Variants in DPP6 observed in about 807,000 individuals in gnomAD.
DPP6 encodes dipeptidyl peptidase like 6, also known as A-type potassium channel modulatory protein DPP6.
In DPP6, 69 loss-of-function variants were observed where a neutral mutation model predicts 122.6. The observed-to-expected ratio is 0.56, with a 90% CI of 0.46 to 0.69. The LOEUF (loss-of-function observed/expected upper bound fraction) is 0.69. Among genes scored for constraint, DPP6 ranks in the 30% least tolerant of loss-of-function variants. The probability of loss-of-function intolerance (pLI) is 0.00; values close to 1 mark genes in which losing one functional copy is unlikely to be tolerated. For synonymous variants in DPP6, 418 were observed against 433.1 expected (o/e 0.97, Z 0.43); for missense variants, 928 against 1,116.9 (o/e 0.83, Z 2.41).
At chr7:153,887,719 G>A in exon 1 of DPP6, 2 of 1,613,872 alleles carry the variant, frequency 1.2e-6, no homozygotes, top group Non-Finnish European at 8.5e-7. Flanking sequence ...CCGCTAAGAT[G>A]CAGGGGAACG....
rs773227930 is a variant in DPP6 at position 154,298,268 on chromosome 7, C to CCACACACACA, written c.244-147943_244-147934dup. On this transcript the variant is annotated intron_variant, in intron 1 of 25. Coordinates refer to ENST00000377770, the MANE Select transcript of DPP6 (RefSeq NM_130797.4). The stretch of plus-strand genomic sequence containing the variant: ...TCCTTAAAAATCTGTCTCTCTCTCT[C>CCACACACACA]CACACACACACATACACACACTATT... Among the ~76,000 whole-genome samples the CCACACACACA allele has an allele frequency of 5.0e-3, 759 of 150,448 alleles. 8 individuals carry two copies. The highest frequency in any genetic ancestry group is 0.045 in the East Asian group (228 of 5,100).
intron 3 of DPP6, among the ~76,000 whole-genome samples, chr7:154,536,644 C>T (rs182223844): frequency 4.3e-4 from 66 of 152,174 alleles, no homozygotes; most frequent in Admixed American, 2.4e-3. Flanking sequence ...CCAAACCCTT[C>T]GTGAAGGAAA....
At chr7:153,901,134 T>C (rs897129415) in intron 1 of DPP6, among the ~76,000 whole-genome samples, 1 of 152,172 alleles carries the variant, frequency 6.6e-6, no homozygotes, top group African/African-American at 2.4e-5. Flanking sequence ...TTCTTCTATA[T>C]ATATATAAAG....
At chr7:154,354,356 A>G (rs1811107613) in intron 1 of DPP6, among the ~76,000 whole-genome samples, 2 of 152,218 alleles carry the variant, frequency 1.3e-5, no homozygotes, top group African/African-American at 2.4e-5. Context: ...ATTTAATACA[A>G]TGGCCGTATA....
chr7:153,884,209 G>C (rs1798833180), upstream of DPP6, among the ~76,000 whole-genome samples: 1 of 152,060 alleles, frequency 6.6e-6, no homozygotes, highest in African/African-American at 2.4e-5. Flanking sequence ...CCCTTCCTGT[G>C]ACCAAGTGTT....
chr7:154,512,925 C>T (rs892195910), intron 3 of DPP6, among the ~76,000 whole-genome samples: 3 of 152,136 alleles, frequency 2.0e-5, no homozygotes, highest in African/African-American at 4.8e-5. Flanking sequence ...TAGACGATGG[C>T]TTTCTTACCT....
intron 5 of DPP6, among the ~76,000 whole-genome samples, chr7:154,632,382 A>T (rs1835459225): frequency 6.6e-6 from 1 of 152,180 alleles, no homozygotes; most frequent in Non-Finnish European, 1.5e-5. Flanking sequence ...TTTGAGAAAG[A>T]CTTAGAAAGT....
intron 5 of DPP6, among the ~76,000 whole-genome samples, chr7:154,617,493 T>C (rs116428495): frequency 0.019 from 2,827 of 152,268 alleles, 82 homozygotes; most frequent in African/African-American, 0.064. Flanking sequence ...TCAAGGGTCA[T>C]CTAATGAGAC....
At chr7:153,777,471 A>G in the DPP6 span, among the ~76,000 whole-genome samples, 1 of 132,170 alleles carries the variant, frequency 7.6e-6, no homozygotes, top group African/African-American at 3.0e-5. Flanking sequence ...TAAGCATCAA[A>G]AGCTGGAAAC....
In DPP6 at chr7:154,877,405, GCACACACACACA is replaced by G. The variant is rs3837065; in HGVS notation, c.2078+1321_2078+1332del. Reference sequence around the variant, plus strand: ...TGACTACAACAACACATGTGTGCGTGCACACACACACACACACACACACACACCTCTCAAATA... The same window carrying G: ...TGACTACAACAACACATGTGTGCGTGCACACACACACACACCTCTCAAATA... On this transcript the variant is annotated intron_variant, in intron 20 of 25. Transcript: ENST00000377770. This position sits in a 1 kb window ranked among gnomAD's most constrained non-coding sequence, Gnocchi z 5.2. 2.0e-5 allele frequency among the ~76,000 whole-genome samples: 3 copies of G among 149,788 alleles called. No homozygotes were observed. The highest frequency in any genetic ancestry group is 6.6e-5 in the Admixed American group (1 of 15,048).
At chr7:154,579,821 G>T (rs1482018203) in intron 5 of DPP6, among the ~76,000 whole-genome samples, 2 of 152,148 alleles carry the variant, frequency 1.3e-5, no homozygotes, top group Admixed American at 6.5e-5. Context: ...TCCCCCATGT[G>T]CATTGATGGG....
intron 1 of DPP6, among the ~76,000 whole-genome samples, chr7:153,976,038 A>G (rs1251790553): frequency 2.6e-5 from 4 of 152,152 alleles, no homozygotes; most frequent in Admixed American, 6.5e-5. Flanking sequence ...TCTTGTTGCT[A>G]CTGTTACTGT....
intron 7 of DPP6, among the ~76,000 whole-genome samples, chr7:154,697,831 A>T (rs1840304421): frequency 6.6e-6 from 1 of 152,110 alleles, no homozygotes; most frequent in African/African-American, 2.4e-5. Flanking sequence ...CTGTCTGTAC[A>T]CTCAGTGTAC....
chr7:154,580,466 C>A (rs138814176), intron 5 of DPP6, among the ~76,000 whole-genome samples: 14 of 152,320 alleles, frequency 9.2e-5, no homozygotes, highest in African/African-American at 3.4e-4. Context: ...TGGCCTGAGA[C>A]TGCCCCTCAC....
chr7:154,134,312 A>G (rs553358039), intron 1 of DPP6, among the ~76,000 whole-genome samples: 2 of 152,288 alleles, frequency 1.3e-5, no homozygotes, highest in East Asian at 3.9e-4. Flanking sequence ...ACTATGATCT[A>G]GTGCTCATTC....
At chr7:154,772,472 A>G (rs1796304514) in intron 9 of DPP6, among the ~76,000 whole-genome samples, 1 of 151,974 alleles carries the variant, frequency 6.6e-6, no homozygotes, top group African/African-American at 2.4e-5. Flanking sequence ...ACCGCTCCTC[A>G]ATGTCCATCA....
At chr7:153,841,812 T>C in the DPP6 span, among the ~76,000 whole-genome samples, 6 of 152,254 alleles carry the variant, frequency 3.9e-5, no homozygotes, top group African/African-American at 1.2e-4. Context: ...GCTATGCTGA[T>C]CTAACACACT....
intron 16 of DPP6, among the ~76,000 whole-genome samples, chr7:154,844,637 G>C (rs968143340): frequency 6.6e-6 from 1 of 152,210 alleles, no homozygotes. Context: ...ATAGACAGTA[G>C]TGGGCATGCA....
intron 1 of DPP6, among the ~76,000 whole-genome samples, chr7:153,931,031 G>C (rs1313562888): frequency 2.0e-5 from 3 of 152,210 alleles, no homozygotes; most frequent in Admixed American, 2.0e-4. Context: ...GCATTATTAA[G>C]ATTAGCTGTG....
Sources: allele counts gnomAD v4.1 joint callset (sites outside exome capture counted in the v4.1 genomes callset), GRCh38; gene constraint gnomAD v4.1.1; non-coding constraint Gnocchi (gnomAD v3.1); transcripts MANE v1.5; gene names NCBI Gene and HGNC (gene_info 2026-07-23, HGNC 2026-07-21).